Variants in AFTPH observed in about 807,000 individuals in gnomAD.
AFTPH encodes the protein aftiphilin protein.
A neutral mutation model predicts 72.5 loss-of-function variants in AFTPH; 7 were observed. The observed-to-expected ratio is 0.10, with a 90% CI of 0.05 to 0.18. The LOEUF (loss-of-function observed/expected upper bound fraction) is 0.18. AFTPH is among the 10% of genes least tolerant of loss of function. The probability of loss-of-function intolerance (pLI) is 1.00; values close to 1 mark genes in which losing one functional copy is unlikely to be tolerated. For missense variants in AFTPH, 979 were observed against 1,060.5 expected, an observed-to-expected ratio of 0.92 and a Z score of 1.07; for synonymous variants, 337 against 370.1, an observed-to-expected ratio of 0.91 and a Z score of 1.03.
At chr2:64,563,079 CAGT>C (rs965465174) in intron 2 of AFTPH, among the ~76,000 whole-genome samples, 27 of 152,244 alleles carry the variant, frequency 1.8e-4, no homozygotes, top group African/African-American at 6.5e-4. Flanking sequence ...TAATCAAAAC[CAGT>C]AGATTTCCCA....
At chr2:64,553,465 A>C in intron 2 of AFTPH, 56 bp downstream of exon 2, 1 of 1,488,272 alleles carries the variant, frequency 6.7e-7, no homozygotes, top group Non-Finnish European at 8.9e-7. Flanking sequence ...GGAGGCTTCT[A>C]ATTTCAGCTT....
At chr2:64,544,597 G>A (rs563410766) in intron 1 of AFTPH, among the ~76,000 whole-genome samples, 1 of 139,840 alleles carries the variant, frequency 7.2e-6, no homozygotes, top group African/African-American at 3.0e-5. Flanking sequence ...TTTTTCCCCT[G>A]TTGAGCAGGA....
chr2:64,590,324 A>G (rs936067384), intron 8 of AFTPH, among the ~76,000 whole-genome samples: 3 of 151,926 alleles, frequency 2.0e-5, no homozygotes, highest in African/African-American at 4.8e-5. Flanking sequence ...CTATCTCCCT[A>G]TTTTCCTGTA....
chr2:64,567,963 T>G (rs1325896542), intron 3 of AFTPH, among the ~76,000 whole-genome samples: 1 of 151,442 alleles, frequency 6.6e-6, no homozygotes, highest in Non-Finnish European at 1.5e-5. Flanking sequence ...CAAGAATCGC[T>G]GGAACCCAGA....
At chr2:64,549,012 T>G (rs1670851528) in intron 1 of AFTPH, among the ~76,000 whole-genome samples, 1 of 152,230 alleles carries the variant, frequency 6.6e-6, no homozygotes, top group Non-Finnish European at 1.5e-5. Context: ...TTCAAAATTC[T>G]GAAGCCATTC....
intron 7 of AFTPH, among the ~76,000 whole-genome samples, chr2:64,583,892 T>C (rs1195765806): frequency 2.0e-5 from 3 of 152,200 alleles, no homozygotes; most frequent in African/African-American, 7.2e-5. Flanking sequence ...TGTGTTTACT[T>C]CTGTAAAGTT....
At chr2:64,560,945 CTT>C (rs1414490876) in intron 2 of AFTPH, among the ~76,000 whole-genome samples, 2 of 152,180 alleles carry the variant, frequency 1.3e-5, no homozygotes. Flanking sequence ...AGTTCTGGCT[CTT>C]GTTAGTATAC....
intron 1 of AFTPH, among the ~76,000 whole-genome samples, chr2:64,536,537 G>A (rs185668531): frequency 4.1e-4 from 61 of 147,756 alleles, no homozygotes; most frequent in African/African-American, 1.4e-3. Context: ...ACTCCAGCCT[G>A]GGCGACAGAG....
At chr2:64,568,095 C>T (rs991642451) in intron 3 of AFTPH, among the ~76,000 whole-genome samples, 2 of 151,892 alleles carry the variant, frequency 1.3e-5, no homozygotes, top group African/African-American at 4.8e-5. Context: ...AAACTCCCTG[C>T]CTTTTTACTT....
In AFTPH at chr2:64,553,167, G is replaced by T. The variant is rs373997749; in HGVS notation, c.1693G>T (p.Gly565Cys). The T allele has an allele frequency of 1.9e-5, 30 of 1,614,020 alleles. No homozygotes were observed. Among genetic ancestry groups the T allele is most frequent in the Non-Finnish European group, 2.4e-5 (28 of 1,180,002 alleles). Residue 565 changes from glycine to cysteine, a missense_variant, in exon 2 of 9, where the codon GGT becomes TGT. Gly to Cys is a radical substitution (Grantham distance 159). This residue lies in a region of AFTPH where 438 missense variants were observed against 530.0 expected (regional missense o/e 0.83). Transcript: ENST00000238856. ...TGATTTTGCAGACTTCAGTTCAGCT[G>T]GTCCTAGCCAAGTTGTAGATTGGAA...
intron 1 of AFTPH, among the ~76,000 whole-genome samples, chr2:64,529,758 T>G (rs545511820): frequency 1.5e-3 from 230 of 151,926 alleles, no homozygotes; most frequent in African/African-American, 5.4e-3. Flanking sequence ...GCCTCCTAAA[T>G]AGCTGGGACC....
chr2:64,592,024 G>A lies in AFTPH; in HGVS notation c.2719G>A (p.Ala907Thr), dbSNP rs1329948384. Reference sequence around the variant, plus strand: ...ACCTTCCACAAGCTCTCAAGAAAAAGCAGACGGATAACTGATGTGAATTGG... The same window carrying A: ...ACCTTCCACAAGCTCTCAAGAAAAAACAGACGGATAACTGATGTGAATTGG... Residue 907 changes from alanine (A) to threonine (T), a missense_variant, in exon 9 of 9, where the codon GCA (alanine) becomes ACA (threonine). Physicochemically the swap from Ala to Thr is moderately conservative, Grantham distance 58. This residue lies in a region of AFTPH where 438 missense variants were observed against 530.0 expected (regional missense o/e 0.83). Coordinates refer to ENST00000238856, the Ensembl canonical transcript of AFTPH. The A allele has an allele frequency of 3.1e-6, 5 of 1,612,156 alleles. No individual in the cohort carries two copies. The South Asian group carries it at 3.3e-5, about 11-fold the overall frequency.
At chr2:64,564,802 G>T (rs958023282) in intron 2 of AFTPH, among the ~76,000 whole-genome samples, 2 of 151,148 alleles carry the variant, frequency 1.3e-5, no homozygotes, top group African/African-American at 4.9e-5. Flanking sequence ...ATTACAGGAT[G>T]CCCTTACCAC....
At chr2:64,529,170 T>A (rs948357183) in intron 1 of AFTPH, among the ~76,000 whole-genome samples, 1 of 152,190 alleles carries the variant, frequency 6.6e-6, no homozygotes. Flanking sequence ...GCTTACTGCC[T>A]GTACCCTTCA....
intron 2 of AFTPH, among the ~76,000 whole-genome samples, chr2:64,562,354 T>A (rs996605315): frequency 6.6e-6 from 1 of 151,378 alleles, no homozygotes; most frequent in African/African-American, 2.4e-5. Context: ...TTTTTTTTTT[T>A]AATCTGGTGC....
At chr2:64,553,230 G>C in exon 2 of AFTPH, 1 of 1,614,120 alleles carries the variant, frequency 6.2e-7, no homozygotes, top group South Asian at 1.1e-5. Context: ...TTGTTCTTGG[G>C]CTGCTTTTGG....
rs1361147196 is a variant in AFTPH, at chr2:64,581,838, A to G, written c.2455+2292A>G. On this transcript the variant is annotated intron_variant, in intron 7 of 8. Transcript: ENST00000238856. ...TTCTGTTTTTATGTAGCTCTTAAAT[A>G]GAAAGTATACTGTTAGTTTTCCATG... Among the ~76,000 whole-genome samples the G allele has an allele frequency of 3.3e-5, 5 of 152,238 alleles. No homozygotes were observed. In the East Asian group the frequency reaches 9.6e-4, roughly 29 times the overall value.
At chr2:64,536,720 A>G (rs369229646) in intron 1 of AFTPH, among the ~76,000 whole-genome samples, 179 of 152,006 alleles carry the variant, frequency 1.2e-3, no homozygotes, top group African/African-American at 4.1e-3. Context: ...TGGGAGCCCA[A>G]GGTAAGTCAA....
exon 7 of AFTPH, chr2:64,579,542 A>G: frequency 6.2e-7 from 1 of 1,613,570 alleles, no homozygotes; most frequent in East Asian, 2.2e-5. Flanking sequence ...CTAACCCTTT[A>G]GATGGTACGT....
Sources: gnomAD v4.1 joint callset for allele counts (sites outside exome capture counted in the v4.1 genomes callset) on GRCh38, gnomAD v4.1.1 for gene constraint, gnomAD v4.1.1 regional missense constraint, MANE v1.5 for transcripts, NCBI Gene and HGNC (gene_info 2026-07-23, HGNC 2026-07-21) for gene names.